DNAAF4: variants seen among roughly 807,000 people sequenced by gnomAD.
DNAAF4 encodes the protein dynein axonemal assembly factor 4, also known as dynein assembly factor 4, axonemal.
Under a neutral mutation model 51.8 loss-of-function variants are expected in DNAAF4, and 43 were observed. That is an observed-to-expected ratio of 0.83 (90% CI 0.65 to 1.07). The LOEUF (loss-of-function observed/expected upper bound fraction) is 1.07, where lower values mean the gene tolerates loss of function less well. DNAAF4 is among the 50% of genes least tolerant of loss of function. DNAAF4 has a pLI of 0.00. For missense variants in DNAAF4, 581 were observed against 493.0 expected, an observed-to-expected ratio of 1.18 and a Z score of -1.69; for synonymous variants, 194 against 165.6, an observed-to-expected ratio of 1.17 and a Z score of -1.32.
At chr15:55,421,477 T>C (rs1018107530) in intron 7 of DNAAF4, among the ~76,000 whole-genome samples, 1 of 152,062 alleles carries the variant, frequency 6.6e-6, no homozygotes, top group Admixed American at 6.6e-5. Context: ...CACTCCAACC[T>C]GAGTGACAGA....
At chr15:55,464,143 A>T (rs1426781618) in intron 5 of DNAAF4, among the ~76,000 whole-genome samples, 2 of 152,222 alleles carry the variant, frequency 1.3e-5, no homozygotes, top group Non-Finnish European at 2.9e-5. Flanking sequence ...GAGAACCCAG[A>T]CATAAAGTCA....
chr15:55,439,421 C>T, intron 7 of DNAAF4, 51 bp downstream of exon 7: 1 of 1,472,940 alleles, frequency 6.8e-7, no homozygotes, highest in Non-Finnish European at 9.5e-7. Context: ...ATGATAACTG[C>T]TAATGTCTTC....
At chr15:55,455,206 G>C (rs1191724374) in intron 5 of DNAAF4, among the ~76,000 whole-genome samples, 1 of 148,200 alleles carries the variant, frequency 6.7e-6, no homozygotes, top group Non-Finnish European at 1.5e-5. Context: ...AAAACAACAG[G>C]TATTTCTCTT....
At chr15:55,443,909 G>C (rs1370263856) in intron 6 of DNAAF4, among the ~76,000 whole-genome samples, 3 of 152,082 alleles carry the variant, frequency 2.0e-5, no homozygotes, top group African/African-American at 7.2e-5. Context: ...TTTCTTGTAA[G>C]TTTGTTTGAG....
chr15:55,507,257 G>A (rs1595966544), intron 1 of DNAAF4, among the ~76,000 whole-genome samples: 1 of 152,252 alleles, frequency 6.6e-6, no homozygotes, highest in East Asian at 1.9e-4. Flanking sequence ...GTTACCTCCT[G>A]ATAAACCCAT....
chr15:55,437,741 G>A (rs1286520817), intron 7 of DNAAF4, among the ~76,000 whole-genome samples: 1 of 152,114 alleles, frequency 6.6e-6, no homozygotes, highest in African/African-American at 2.4e-5. Flanking sequence ...ATCAGTGGCT[G>A]GGGAGCCACA....
At chr15:55,420,209 A>G (rs1414513335) in intron 7 of DNAAF4, among the ~76,000 whole-genome samples, 3 of 152,154 alleles carry the variant, frequency 2.0e-5, no homozygotes, top group African/African-American at 7.2e-5. Flanking sequence ...AGAGGAAACT[A>G]TATGGATAAA....
intron 4 of DNAAF4, among the ~76,000 whole-genome samples, chr15:55,475,375 A>G (rs2058322469): frequency 6.6e-6 from 1 of 152,220 alleles, no homozygotes; most frequent in South Asian, 2.1e-4. Flanking sequence ...TTTAGTCTAG[A>G]AAAGCTGCTA....
chr15:55,432,544 T>A lies in DNAAF4; in HGVS notation c.1106A>T (p.His369Leu). 1 of 1,612,972 alleles carries A rather than the reference T, an allele frequency of 6.2e-7. No homozygotes were observed. The highest frequency in any genetic ancestry group is 8.5e-7 in the Non-Finnish European group (1 of 1,179,210). ...ACAGAATGCTGTTCCACGTCGTACA[T>A]GTGCCTTCATTCTTGCATTAGCATT... is the stretch of plus-strand genomic sequence containing the variant. ...TDNANARMKA[H>L]VRRGTAFCQL... The change falls in exon 9 of 10, where the codon CAT (histidine) becomes CTT (leucine). Residue 369 changes from histidine to leucine, a missense_variant. Physicochemically the swap from His to Leu is moderately conservative, Grantham distance 99. Transcript: ENST00000321149.
At chr15:55,501,888 C>A (rs2058701234) in intron 1 of DNAAF4, among the ~76,000 whole-genome samples, 1 of 151,450 alleles carries the variant, frequency 6.6e-6, no homozygotes, top group African/African-American at 2.4e-5. Flanking sequence ...ATTAAAAATA[C>A]AAAAATTAGC....
intron 5 of DNAAF4, among the ~76,000 whole-genome samples, chr15:55,465,255 G>A (rs941128247): frequency 6.6e-6 from 1 of 152,062 alleles, no homozygotes; most frequent in Non-Finnish European, 1.5e-5. Context: ...CCCCTACTGG[G>A]TATCTATCTA....
intron 5 of DNAAF4, among the ~76,000 whole-genome samples, chr15:55,452,499 T>C (rs1043672736): frequency 7.9e-5 from 12 of 152,046 alleles, no homozygotes; most frequent in African/African-American, 1.7e-4. Flanking sequence ...AAAAATAAGA[T>C]ATATAATTTC....
intron 7 of DNAAF4, among the ~76,000 whole-genome samples, chr15:55,423,329 T>A (rs1207442079): frequency 6.6e-6 from 1 of 152,050 alleles, no homozygotes; most frequent in Non-Finnish European, 1.5e-5. Flanking sequence ...AACCTCAGCC[T>A]CCCAAGTAGC....
At chr15:55,438,881 T>C (rs930653291) in intron 7 of DNAAF4, among the ~76,000 whole-genome samples, 2 of 152,100 alleles carry the variant, frequency 1.3e-5, no homozygotes, top group Non-Finnish European at 2.9e-5. Flanking sequence ...AAAGGACTTA[T>C]GTCAAATGTA....
chr15:55,473,198 A>AAAAATATATATATAT lies in DNAAF4; in HGVS notation c.406-6038_406-6037insATATATATATATTTT, dbSNP rs1209754897. Reference sequence around the variant, plus strand: ...ACAAAAAAAAAACCTAAAAAAAAAAAATATATATATATATATATATATATG... The same window carrying AAAAATATATATATAT: ...ACAAAAAAAAAACCTAAAAAAAAAAAAAAATATATATATATATATATATATATATATATATATATG... On this transcript the variant is annotated intron_variant, in intron 4 of 9. Transcript: ENST00000321149. 6.6e-5 allele frequency among the ~76,000 whole-genome samples: 5 copies of AAAAATATATATATAT among 75,750 alleles called. 2 individuals carry two copies. Among genetic ancestry groups the AAAAATATATATATAT allele is most frequent in the African/African-American group, 2.7e-4 (5 of 18,650 alleles). The allele number at this position is 75,750 out of a possible 152,430, so 49.7% of individuals were successfully genotyped here.
intron 5 of DNAAF4, among the ~76,000 whole-genome samples, chr15:55,463,976 C>CA (rs1462345596): frequency 6.6e-6 from 1 of 151,936 alleles, no homozygotes; most frequent in Non-Finnish European, 1.5e-5. Context: ...TCATATAGAA[C>CA]AAAAAAAGAG....
intron 4 of DNAAF4, among the ~76,000 whole-genome samples, chr15:55,470,254 G>GT (rs2058234737): frequency 6.6e-6 from 1 of 152,006 alleles, no homozygotes; most frequent in Admixed American, 6.6e-5. Flanking sequence ...GTTTCACCAT[G>GT]TTGGCCAGGC....
chr15:55,430,661 T>C lies in DNAAF4; in HGVS notation c.*9A>G. The C allele has an allele frequency of 6.2e-7, 1 of 1,610,614 alleles. No homozygotes were observed. Among genetic ancestry groups the C allele is most frequent in the Non-Finnish European group, 8.5e-7 (1 of 1,178,470 alleles). ...ACTTATAACAATACTTAGTTACTTC[T>C]AATAGTCATTAAGATTTTAGTTCTG... On this transcript the variant is annotated 3_prime_UTR_variant, in exon 10 of 10. Transcript: ENST00000321149.
intron 9 of DNAAF4, 49 bp downstream of exon 9, chr15:55,432,448 T>A: frequency 6.9e-7 from 1 of 1,442,724 alleles, no homozygotes; most frequent in Non-Finnish European, 9.6e-7. Flanking sequence ...CAATGACATT[T>A]TTTTCAGAGT....
Sources: gnomAD v4.1 joint callset for allele counts (sites outside exome capture counted in the v4.1 genomes callset) on GRCh38, gnomAD v4.1.1 for gene constraint, MANE v1.5 for transcripts, NCBI Gene and HGNC (gene_info 2026-07-23, HGNC 2026-07-21) for gene names.